FRMD5: variants seen among roughly 807,000 people sequenced by gnomAD.
FRMD5 encodes FERM domain containing 5, also known as FERM domain-containing protein 5.
In FRMD5, 20 loss-of-function variants were observed where a neutral mutation model predicts 69.0. The ratio of observed to expected loss-of-function variants is 0.29; its 90% confidence interval spans 0.20 to 0.42. The LOEUF (loss-of-function observed/expected upper bound fraction) is 0.42. Among genes scored for constraint, FRMD5 ranks in the 10% least tolerant of loss-of-function variants. The pLI, the probability that FRMD5 is intolerant of heterozygous loss-of-function variation, is 1.00. For synonymous variants in FRMD5, 271 were observed against 260.1 expected, an observed-to-expected ratio of 1.04 and a Z score of -0.40; for missense variants, 595 against 708.6, an observed-to-expected ratio of 0.84 and a Z score of 1.82.
At chr15:43,926,265 C>T (rs900189216) in intron 1 of FRMD5, among the ~76,000 whole-genome samples, 2 of 152,208 alleles carry the variant, frequency 1.3e-5, no homozygotes, top group African/African-American at 2.4e-5. Flanking sequence ...GGAGCCTGCA[C>T]AGCATCCATC....
intron 1 of FRMD5, among the ~76,000 whole-genome samples, chr15:44,141,844 C>T (rs1046082318): frequency 6.6e-6 from 1 of 152,180 alleles, no homozygotes; most frequent in Non-Finnish European, 1.5e-5. Context: ...GAATGATGAA[C>T]ATTGCACTTG....
intron 1 of FRMD5, among the ~76,000 whole-genome samples, chr15:44,022,786 T>C (rs547136701): frequency 4.3e-4 from 66 of 152,214 alleles, no homozygotes; most frequent in African/African-American, 1.5e-3. Context: ...CAGGGACACA[T>C]GTGAAATGGA....
intron 1 of FRMD5, among the ~76,000 whole-genome samples, chr15:44,120,689 A>ACT (rs33985114): frequency 6.7e-6 from 1 of 148,452 alleles, no homozygotes. Flanking sequence ...CGCCCAGCTA[A>ACT]TTTTTTTTTT....
chr15:44,135,834 A>C (rs1283729905), intron 1 of FRMD5, among the ~76,000 whole-genome samples: 4 of 151,540 alleles, frequency 2.6e-5, no homozygotes, highest in Non-Finnish European at 5.9e-5. Flanking sequence ...AAAAAAAAAA[A>C]AAAAAAAAAC....
intron 1 of FRMD5, among the ~76,000 whole-genome samples, chr15:44,147,064 G>A (rs1412776056): frequency 6.6e-6 from 1 of 152,098 alleles, no homozygotes; most frequent in Non-Finnish European, 1.5e-5. Flanking sequence ...ATCTTTGCCT[G>A]AGCTTATGTC....
At chr15:44,194,352 G>A (rs1347806825) in intron 1 of FRMD5, 1 of 155,950 alleles carries the variant, frequency 6.4e-6, no homozygotes, top group Non-Finnish European at 1.4e-5. Flanking sequence ...ATAAAATTTG[G>A]GGATCAAAAG....
chr15:44,062,629 G>A (rs1008118620), intron 1 of FRMD5, among the ~76,000 whole-genome samples: 56 of 149,104 alleles, frequency 3.8e-4, no homozygotes, highest in Middle Eastern at 3.6e-3. Flanking sequence ...GGCAGAGGCT[G>A]CAGTGAGCTA....
At chr15:44,088,145 T>G (rs1336177646) in intron 1 of FRMD5, among the ~76,000 whole-genome samples, 1 of 152,178 alleles carries the variant, frequency 6.6e-6, no homozygotes, top group Non-Finnish European at 1.5e-5. Context: ...ATTTTAAACA[T>G]TTTTATTGAG....
intron 13 of FRMD5, among the ~76,000 whole-genome samples, chr15:43,880,950 C>T (rs1040691047): frequency 6.6e-6 from 1 of 152,208 alleles, no homozygotes; most frequent in Non-Finnish European, 1.5e-5. Flanking sequence ...CTGACTCAGC[C>T]TCAGCATGTC....
chr15:44,045,606 T>C (rs1892391654), intron 1 of FRMD5, among the ~76,000 whole-genome samples: 2 of 152,126 alleles, frequency 1.3e-5, no homozygotes, highest in Non-Finnish European at 2.9e-5. Context: ...GAAATATCAG[T>C]TGACAATAAA....
intron 1 of FRMD5, among the ~76,000 whole-genome samples, chr15:43,967,208 T>A (rs897712926): frequency 6.8e-6 from 1 of 148,054 alleles, no homozygotes; most frequent in Non-Finnish European, 1.5e-5. Context: ...TAATCATATA[T>A]ATATACACAT....
At chr15:44,004,886 A>G (rs1048131444) in intron 1 of FRMD5, among the ~76,000 whole-genome samples, 3 of 152,262 alleles carry the variant, frequency 2.0e-5, no homozygotes, top group African/African-American at 7.2e-5. Flanking sequence ...TTGTAAATGC[A>G]AAGGAAGAGT....
In FRMD5 at chr15:43,873,645, C is replaced by T. The variant is rs372285018; in HGVS notation, c.*240G>A. ...AAATTGGAAAGATGAGAAACAGAGT[C>T]GCTGAGCCTTTCTTGAAATAACTTC... On this transcript the variant is annotated 3_prime_UTR_variant, in exon 14 of 14. Transcript: ENST00000417257. 4.2e-5 allele frequency: 63 copies of T among 1,490,712 alleles called. 1 individual carries two copies. Among genetic ancestry groups the T allele is most frequent in the East Asian group, 2.3e-4 (9 of 38,974 alleles). The allele number at this position is 1,490,712 out of a possible 1,614,324, so 92.3% of individuals were successfully genotyped here. A position where few individuals can be genotyped will look rare whatever the true frequency, so the allele number is the denominator to read the frequency against.
chr15:43,950,567 T>A (rs1177512406), intron 1 of FRMD5, among the ~76,000 whole-genome samples: 1 of 152,186 alleles, frequency 6.6e-6, no homozygotes, highest in Non-Finnish European at 1.5e-5. Flanking sequence ...AGACACCGAC[T>A]GAGCCTCTCT....
chr15:43,905,429 G>A (rs946177461), intron 6 of FRMD5, among the ~76,000 whole-genome samples: 3 of 151,898 alleles, frequency 2.0e-5, no homozygotes, highest in Non-Finnish European at 4.4e-5. Context: ...AAGCCACCGC[G>A]CCTGGCCTTT....
At position 43,902,252 on chromosome 15, in the gene FRMD5, G is replaced by A; in HGVS notation, c.562C>T (p.Pro188Ser). 6.2e-7 allele frequency: 1 copy of A among 1,613,682 alleles called. No individual in the cohort carries two copies. The highest frequency in any genetic ancestry group is 8.5e-7 in the Non-Finnish European group (1 of 1,179,602). Residue 188 changes from proline (P) to serine (S), a missense_variant, in exon 7 of 14, where the codon CCA (proline) becomes TCA (serine). Pro to Ser is a moderately conservative substitution (Grantham distance 74, BLOSUM62 -1). Around this residue, in one of 5 missense-constraint regions of FRMD5, gnomAD observed 176 missense variants for 266.3 expected, o/e 0.66. Coordinates refer to ENST00000417257, the MANE Select transcript of FRMD5 (RefSeq NM_032892.5). ...AAGAAGTTCAGCTCTGATGTTGCTG[G>A]TGTTTGACCACTGGAATAAAGAAGA... is the stretch of plus-strand genomic sequence containing the variant. The part of the protein sequence containing the change: ...IHKTELSGQT[P>S]ATSELNFLRK...
Position 43,885,671 on chromosome 15 carries a change from CA to C in FRMD5, c.959+9del. 1 of 1,606,370 alleles carries C rather than the reference CA, an allele frequency of 6.2e-7. No homozygotes were observed. Among genetic ancestry groups the C allele is most frequent in the Non-Finnish European group, 8.5e-7 (1 of 1,172,872 alleles). On this transcript the variant is annotated intron_variant, in intron 11 of 13. Coordinates refer to ENST00000417257, the MANE Select transcript of FRMD5 (RefSeq NM_032892.5). Reference sequence around the variant, plus strand: ...TAGATCCATAATGGTTACTTACTGTCACTATTTACCTGTATCGGAACCGGCT... The same window carrying C: ...TAGATCCATAATGGTTACTTACTGTCCTATTTACCTGTATCGGAACCGGCT...
At chr15:43,880,496 C>G (rs1259543708) in intron 13 of FRMD5, among the ~76,000 whole-genome samples, 1 of 152,202 alleles carries the variant, frequency 6.6e-6, no homozygotes, top group Admixed American at 6.5e-5. Context: ...CCATTCTTTA[C>G]TTCCACAGGC....
intron 1 of FRMD5, among the ~76,000 whole-genome samples, chr15:44,121,555 A>C (rs139835334): frequency 6.6e-6 from 1 of 151,940 alleles, no homozygotes; most frequent in East Asian, 1.9e-4. Context: ...TAATCACCAA[A>C]TCTCTCAAGC....
Sources: gnomAD v4.1 joint callset for allele counts (sites outside exome capture counted in the v4.1 genomes callset) on GRCh38, gnomAD v4.1.1 for gene constraint, gnomAD v4.1.1 regional missense constraint, MANE v1.5 for transcripts, NCBI Gene and HGNC (gene_info 2026-07-23, HGNC 2026-07-21) for gene names.